Variants in FAM185A observed in about 807,000 individuals in gnomAD.
FAM185A encodes family with sequence similarity 185 member A.
FAM185A carries 21 observed loss-of-function variants against 45.7 expected under a neutral mutation model. That is an observed-to-expected ratio of 0.46 (90% CI 0.33 to 0.66). FAM185A has a LOEUF of 0.66. FAM185A is among the 30% of genes least tolerant of loss of function. FAM185A has a pLI of 0.03. For synonymous variants in FAM185A, 117 were observed against 194.0 expected (o/e 0.60, Z 3.30); for missense variants, 305 against 485.4 (o/e 0.63, Z 3.49).
intron 7 of FAM185A, among the ~76,000 whole-genome samples, chr7:102,806,723 G>C (rs527735983): frequency 6.6e-4 from 101 of 152,242 alleles, no homozygotes; most frequent in Non-Finnish European, 1.0e-3. Context: ...AGAAAACGTA[G>C]AACTAGAAGA....
the FAM185A span, among the ~76,000 whole-genome samples, chr7:102,829,136 AC>A: frequency 4.6e-5 from 7 of 152,080 alleles, no homozygotes; most frequent in Non-Finnish European, 1.0e-4. Flanking sequence ...CCTTCCAGAT[AC>A]CCTCAGCTGC....
At chr7:102,826,121 T>C in the FAM185A span, among the ~76,000 whole-genome samples, 3 of 152,188 alleles carry the variant, frequency 2.0e-5, no homozygotes, top group African/African-American at 7.2e-5. Flanking sequence ...AATTATACTT[T>C]TGTTTCTTCT....
At chr7:102,757,686 T>G (rs1793837495) in intron 2 of FAM185A, among the ~76,000 whole-genome samples, 168 bp from the exon 3 acceptor site, 1 of 152,138 alleles carries the variant, frequency 6.6e-6, no homozygotes, top group Non-Finnish European at 1.5e-5. Flanking sequence ...GCAGTTGACA[T>G]TTTTTTCCAG....
the FAM185A span, among the ~76,000 whole-genome samples, chr7:102,831,879 A>C: frequency 3.9e-5 from 6 of 152,324 alleles, no homozygotes; most frequent in African/African-American, 1.4e-4. Context: ...GAACAAAATT[A>C]TATGTGTATA....
At chr7:102,831,154 A>G in the FAM185A span, among the ~76,000 whole-genome samples, 1 of 152,190 alleles carries the variant, frequency 6.6e-6, no homozygotes, top group Admixed American at 6.5e-5. Context: ...CTGGCAGCCA[A>G]GTTCTTGATG....
At chr7:102,791,316 G>A (rs1204797268) in intron 7 of FAM185A, among the ~76,000 whole-genome samples, 1 of 152,068 alleles carries the variant, frequency 6.6e-6, no homozygotes, top group African/African-American at 2.4e-5. Context: ...TGCTTTTTAG[G>A]AGGTTACTGC....
the FAM185A span, among the ~76,000 whole-genome samples, chr7:102,835,893 G>A: frequency 2.0e-5 from 3 of 152,166 alleles, no homozygotes; most frequent in Non-Finnish European, 2.9e-5. Context: ...ACAGGCGTGA[G>A]CCACCGCGCC....
At chr7:102,842,729 C>T in the FAM185A span, among the ~76,000 whole-genome samples, 3 of 152,160 alleles carry the variant, frequency 2.0e-5, no homozygotes, top group Non-Finnish European at 4.4e-5. Flanking sequence ...GAGGTAGGTA[C>T]TCCTGGGCCT....
the FAM185A span, chr7:102,816,193 C>T: frequency 6.6e-6 from 1 of 152,198 alleles, no homozygotes; most frequent in African/African-American, 2.4e-5. Flanking sequence ...TGCTTACTGA[C>T]TGGAGGGGAG....
At chr7:102,837,629 C>T in the FAM185A span, among the ~76,000 whole-genome samples, 2 of 152,114 alleles carry the variant, frequency 1.3e-5, no homozygotes, top group Non-Finnish European at 2.9e-5. Flanking sequence ...GATCATAGCT[C>T]ACTGTAGCCT....
downstream of FAM185A, among the ~76,000 whole-genome samples, chr7:102,812,587 C>A (rs1797489526): frequency 6.6e-6 from 1 of 152,176 alleles, no homozygotes; most frequent in Non-Finnish European, 1.5e-5. Flanking sequence ...TAATATATGT[C>A]TGTATTCTTT....
chr7:102,810,004 G>A (rs1797343441), downstream of FAM185A, among the ~76,000 whole-genome samples: 1 of 152,082 alleles, frequency 6.6e-6, no homozygotes, highest in Admixed American at 6.5e-5. Flanking sequence ...TGATGTGCCT[G>A]CTCCCACTTT....
chr7:102,801,915 A>G (rs1345369613), intron 7 of FAM185A, among the ~76,000 whole-genome samples: 6 of 130,066 alleles, frequency 4.6e-5, no homozygotes, highest in Admixed American at 1.5e-4. Flanking sequence ...GAGGGAGACT[A>G]CGTCTCAAAA....
the FAM185A span, among the ~76,000 whole-genome samples, chr7:102,841,109 A>C: frequency 6.6e-6 from 1 of 152,232 alleles, no homozygotes; most frequent in Non-Finnish European, 1.5e-5. Flanking sequence ...AGGCACAATG[A>C]GCAAAGCCTA....
chr7:102,847,933 TAATA>T, the FAM185A span, among the ~76,000 whole-genome samples: 2 of 152,220 alleles, frequency 1.3e-5, no homozygotes, highest in African/African-American at 4.8e-5. Flanking sequence ...AATTTGGGTG[TAATA>T]AATACATATA....
chr7:102,832,150 T>C, the FAM185A span, among the ~76,000 whole-genome samples: 1 of 152,196 alleles, frequency 6.6e-6, no homozygotes, highest in Non-Finnish European at 1.5e-5. Context: ...TCCCTTAAGC[T>C]TTTATATGTA....
chr7:102,800,020 C>T (rs560203272), intron 7 of FAM185A, among the ~76,000 whole-genome samples: 15 of 152,222 alleles, frequency 9.9e-5, no homozygotes, highest in African/African-American at 3.4e-4. Flanking sequence ...AAGAGACACC[C>T]GAAATACTAT....
At chr7:102,774,163 G>C (rs9641299) in intron 5 of FAM185A, among the ~76,000 whole-genome samples, 28,019 of 151,826 alleles carry the variant, frequency 0.18, 2,955 homozygotes, top group East Asian at 0.53. Context: ...GTAGAGATCT[G>C]GCACATTTTT....
At chr7:102,823,189 C>T in the FAM185A span, among the ~76,000 whole-genome samples, 39 of 152,228 alleles carry the variant, frequency 2.6e-4, no homozygotes, top group African/African-American at 9.4e-4. Context: ...CCAATATGAG[C>T]AACTTATGAA....
Sources: allele counts gnomAD v4.1 joint callset (sites outside exome capture counted in the v4.1 genomes callset), GRCh38; gene constraint gnomAD v4.1.1; transcripts MANE v1.5; gene names NCBI Gene and HGNC (gene_info 2026-07-23, HGNC 2026-07-21).